Variants in NTM observed in about 807,000 individuals in gnomAD.
The protein encoded by NTM is neurotrimin, also known as IgLON family member 2.
A neutral mutation model predicts 42.1 loss-of-function variants in NTM; 13 were observed. The ratio of observed to expected loss-of-function variants is 0.31; its 90% CI spans 0.20 to 0.49. The LOEUF is 0.49. NTM is among the 20% of genes least tolerant of loss of function. NTM has a pLI of 0.99. For synonymous variants in NTM, 187 were observed against 179.2 expected, an observed-to-expected ratio of 1.04 and a Z score of -0.35; for missense variants, 373 against 452.8, an observed-to-expected ratio of 0.82 and a Z score of 1.60.
chr11:132,069,970 G>A (rs71485729), intron 2 of NTM, among the ~76,000 whole-genome samples: 7 of 133,810 alleles, frequency 5.2e-5, no homozygotes, highest in Middle Eastern at 4.8e-3. Context: ...AAGTTAACAC[G>A]TCAAACTGAC....
intron 4 of NTM, among the ~76,000 whole-genome samples, chr11:132,296,702 T>G (rs1239988247): frequency 6.6e-6 from 1 of 152,018 alleles, no homozygotes; most frequent in Non-Finnish European, 1.5e-5. Flanking sequence ...TGAAGTGAAG[T>G]AGAAAGGCAC....
At chr11:131,462,420 A>T (rs1401753295) in intron 1 of NTM, among the ~76,000 whole-genome samples, 1 of 152,244 alleles carries the variant, frequency 6.6e-6, no homozygotes, top group Non-Finnish European at 1.5e-5. Flanking sequence ...AAAAACAAAC[A>T]GTGACCCAAC....
intron 1 of NTM, among the ~76,000 whole-genome samples, chr11:131,697,730 G>A (rs147116695): frequency 4.9e-4 from 74 of 152,034 alleles, no homozygotes; most frequent in African/African-American, 1.7e-3. Context: ...TGATTCTTAC[G>A]TATTTCCACA....
chr11:131,606,318 AG>A (rs2060955301), intron 1 of NTM, among the ~76,000 whole-genome samples: 1 of 152,104 alleles, frequency 6.6e-6, no homozygotes, highest in African/African-American at 2.4e-5. Flanking sequence ...GGCCTCCCAA[AG>A]TGCTGGGATT....
intron 1 of NTM, among the ~76,000 whole-genome samples, chr11:131,640,901 G>A (rs1037710170): frequency 6.6e-6 from 1 of 152,164 alleles, no homozygotes; most frequent in African/African-American, 2.4e-5. Flanking sequence ...TTGCTCACCA[G>A]GCTACAGAAT....
At chr11:132,096,071 A>G (rs1457852691) in intron 2 of NTM, among the ~76,000 whole-genome samples, 1 of 152,206 alleles carries the variant, frequency 6.6e-6, no homozygotes, top group African/African-American at 2.4e-5. Flanking sequence ...GACAGAGTGC[A>G]GTCAAGCCTC....
intron 2 of NTM, among the ~76,000 whole-genome samples, chr11:132,014,737 T>G (rs887699053): frequency 1.1e-4 from 2 of 18,956 alleles, no homozygotes; most frequent in Admixed American, 8.2e-4. Context: ...GAATTACTTG[T>G]TTTTTTTTTT....
intron 1 of NTM, among the ~76,000 whole-genome samples, chr11:131,768,384 C>T (rs908728667): frequency 6.6e-6 from 1 of 152,136 alleles, no homozygotes; most frequent in Admixed American, 6.5e-5. Context: ...TCTCAAAGTG[C>T]TGGGATTACA....
intron 1 of NTM, among the ~76,000 whole-genome samples, chr11:131,724,597 T>C (rs2078741132): frequency 6.6e-6 from 1 of 152,138 alleles, no homozygotes; most frequent in African/African-American, 2.4e-5. Flanking sequence ...GAATCTCAAG[T>C]AGTTTATCGT....
At chr11:132,272,413 G>A (rs945061968) in intron 4 of NTM, among the ~76,000 whole-genome samples, 1 of 152,204 alleles carries the variant, frequency 6.6e-6, no homozygotes, top group East Asian at 1.9e-4. Flanking sequence ...TCTCAGCAAA[G>A]AAGCCAGCTG....
chr11:131,645,640 C>T (rs1335807899), intron 1 of NTM, among the ~76,000 whole-genome samples: 8 of 152,204 alleles, frequency 5.3e-5, no homozygotes, highest in Non-Finnish European at 1.0e-4. Flanking sequence ...CTAGTTCTTA[C>T]GCCTTTATGT....
chr11:132,212,770 A>G (rs942226737), intron 4 of NTM, among the ~76,000 whole-genome samples: 13 of 152,218 alleles, frequency 8.5e-5, no homozygotes, highest in African/African-American at 3.1e-4. Flanking sequence ...AGAATTTGAG[A>G]CAAGATGTCA....
intron 2 of NTM, among the ~76,000 whole-genome samples, chr11:131,957,625 A>C (rs532401089): frequency 6.6e-6 from 1 of 152,336 alleles, no homozygotes; most frequent in South Asian, 2.1e-4. Flanking sequence ...TACACATAAA[A>C]ATAAAGGTAG....
intron 4 of NTM, among the ~76,000 whole-genome samples, chr11:132,232,148 G>A (rs560474196): frequency 3.9e-5 from 6 of 152,340 alleles, no homozygotes; most frequent in Non-Finnish European, 5.9e-5. Flanking sequence ...GGAGAGTGCT[G>A]AGAAGTCAGC....
At chr11:131,530,010 G>C (rs1387033836) in intron 1 of NTM, among the ~76,000 whole-genome samples, 1 of 152,132 alleles carries the variant, frequency 6.6e-6, no homozygotes, top group Admixed American at 6.5e-5. Flanking sequence ...CTGGGTATTC[G>C]TTTACTCTAG....
chr11:131,750,887 C>T (rs2082410184), intron 1 of NTM, among the ~76,000 whole-genome samples: 1 of 152,156 alleles, frequency 6.6e-6, no homozygotes, highest in Non-Finnish European at 1.5e-5. Context: ...CCTGCTCTCT[C>T]TCCTCACCAC....
Position 132,166,378 on chromosome 11 carries a change from T to C in NTM, c.400+19864T>C, listed in dbSNP as rs1231712990. On this transcript the variant is annotated intron_variant, in intron 3 of 8. Transcript: ENST00000683400. Reference sequence around the variant, plus strand: ...ACCCACGATAATCTAGAGATGGGTATGAATTAACCACAACACTGTTTGGCA... The same window carrying C: ...ACCCACGATAATCTAGAGATGGGTACGAATTAACCACAACACTGTTTGGCA... Among the ~76,000 whole-genome samples the C allele has an allele frequency of 3.3e-5, 5 of 152,178 alleles. No individual in the cohort carries two copies. In the East Asian group the frequency reaches 9.6e-4, roughly 29 times the overall value.
At chr11:132,271,641 G>A (rs1009618290) in intron 4 of NTM, among the ~76,000 whole-genome samples, 1 of 151,904 alleles carries the variant, frequency 6.6e-6, no homozygotes, top group Non-Finnish European at 1.5e-5. Flanking sequence ...TTTTCCTGAG[G>A]GCTAATGATA....
At chr11:132,291,721 A>G (rs1212131781) in intron 4 of NTM, among the ~76,000 whole-genome samples, 3 of 152,232 alleles carry the variant, frequency 2.0e-5, no homozygotes, top group African/African-American at 7.2e-5. Flanking sequence ...TTAGGAGATT[A>G]TGACATTATA....
Sources: gnomAD v4.1 joint callset for allele counts (sites outside exome capture counted in the v4.1 genomes callset) on GRCh38, gnomAD v4.1.1 for gene constraint, MANE v1.5 for transcripts, NCBI Gene and HGNC (gene_info 2026-07-23, HGNC 2026-07-21) for gene names.